Variants in ARHGAP28 observed in about 807,000 individuals in gnomAD.
The protein encoded by ARHGAP28 is rho GTPase-activating protein 28.
A neutral mutation model predicts 90.7 loss-of-function variants in ARHGAP28; 56 were observed. That is an observed-to-expected ratio of 0.62 (90% CI 0.50 to 0.77). The LOEUF (loss-of-function observed/expected upper bound fraction) is 0.77, where lower values mean the gene tolerates loss of function less well. Among genes scored for constraint, ARHGAP28 ranks in the 30% least tolerant of loss-of-function variants. ARHGAP28 has a pLI of 0.00. For missense variants in ARHGAP28, 869 were observed against 900.9 expected, an observed-to-expected ratio of 0.96 and a Z score of 0.45; for synonymous variants, 308 against 323.3, an observed-to-expected ratio of 0.95 and a Z score of 0.51.
At chr18:6,799,782 T>C (rs184207709) in intron 1 of ARHGAP28, among the ~76,000 whole-genome samples, 4,112 of 152,152 alleles carry the variant, frequency 0.027, 79 homozygotes, top group Middle Eastern at 0.061. Flanking sequence ...CTAGGCAATG[T>C]CATTCAGGAC....
chr18:6,850,001 C>T (rs1398903099), intron 3 of ARHGAP28, among the ~76,000 whole-genome samples: 2 of 151,990 alleles, frequency 1.3e-5, no homozygotes, highest in South Asian at 2.1e-4. Context: ...ACTTATTTTC[C>T]GTATATTTTT....
intron 1 of ARHGAP28, among the ~76,000 whole-genome samples, chr18:6,751,757 A>G (rs1378821696): frequency 1.3e-5 from 2 of 152,222 alleles, no homozygotes; most frequent in African/African-American, 4.8e-5. Flanking sequence ...GTCATAGATC[A>G]CAAAATAAAA....
chr18:6,816,915 T>G (rs1203852132), intron 1 of ARHGAP28, among the ~76,000 whole-genome samples: 1 of 151,258 alleles, frequency 6.6e-6, no homozygotes, highest in Non-Finnish European at 1.5e-5. Context: ...TAACAAGACC[T>G]CATCTGTACT....
chr18:6,824,381 A>T (rs1600217819), intron 1 of ARHGAP28, among the ~76,000 whole-genome samples: 1 of 152,112 alleles, frequency 6.6e-6, no homozygotes, highest in East Asian at 1.9e-4. Context: ...TACTAAAAAT[A>T]TAAAAATTAG....
intron 1 of ARHGAP28, among the ~76,000 whole-genome samples, chr18:6,733,081 T>A (rs1334273018): frequency 6.6e-6 from 1 of 152,088 alleles, no homozygotes; most frequent in African/African-American, 2.4e-5. Flanking sequence ...CCTCATTTTA[T>A]AAAATAGTTA....
intron 14 of ARHGAP28, among the ~76,000 whole-genome samples, chr18:6,893,869 T>TG (rs1362559794): frequency 6.8e-6 from 1 of 147,020 alleles, no homozygotes; most frequent in South Asian, 2.2e-4. Context: ...GCTTTTTGGT[T>TG]TTTTTTTTTT....
At chr18:6,741,411 C>A (rs1160445829) in intron 1 of ARHGAP28, among the ~76,000 whole-genome samples, 1 of 152,122 alleles carries the variant, frequency 6.6e-6, no homozygotes, top group African/African-American at 2.4e-5. Context: ...ACTCCCACCT[C>A]TTCCAGCTTC....
chr18:6,776,198 T>A (rs1346873888), intron 1 of ARHGAP28, among the ~76,000 whole-genome samples: 1 of 152,148 alleles, frequency 6.6e-6, no homozygotes, highest in African/African-American at 2.4e-5. Context: ...AATGCCTTTC[T>A]ATGATAAGTG....
At chr18:6,763,185 C>T (rs1309480480) in intron 1 of ARHGAP28, among the ~76,000 whole-genome samples, 1 of 152,034 alleles carries the variant, frequency 6.6e-6, no homozygotes, top group South Asian at 2.1e-4. Context: ...CTGCCTCAAG[C>T]GATTCTCCTG....
rs147162571 is a variant in ARHGAP28, at chr18:6,859,847, G to T, written c.676G>T (p.Ala226Ser). ...ASLNSTTLSDASQDKEGSFAV... is the reference protein window; with the variant it reads ...ASLNSTTLSDSSQDKEGSFAV... Reference sequence around the variant, plus strand: ...TCTCAACAGTACTACCCTGTCTGACGCATCCCAGGATAAAGAAGGGAGTTT... The same window carrying T: ...TCTCAACAGTACTACCCTGTCTGACTCATCCCAGGATAAAGAAGGGAGTTT... The change falls in exon 5 of 18, where the codon GCA becomes TCA. Residue 226 changes from alanine (A) to serine (S), a missense_variant. Ala to Ser is a moderately conservative substitution (Grantham distance 99, BLOSUM62 1). Coordinates refer to ENST00000383472, the MANE Select transcript of ARHGAP28 (RefSeq NM_001366230.1). The T allele has an allele frequency of 6.2e-6, 10 of 1,614,006 alleles. No homozygotes were observed. The highest frequency in any genetic ancestry group is 1.1e-5 in the South Asian group (1 of 91,084).
chr18:6,752,238 C>T (rs2056075369), intron 1 of ARHGAP28, among the ~76,000 whole-genome samples: 2 of 152,094 alleles, frequency 1.3e-5, no homozygotes, highest in Non-Finnish European at 2.9e-5. Flanking sequence ...ATCCTCATTG[C>T]TACTCTCAGA....
intron 1 of ARHGAP28, among the ~76,000 whole-genome samples, chr18:6,801,298 C>T (rs1313636561): frequency 1.3e-5 from 2 of 152,110 alleles, no homozygotes; most frequent in African/African-American, 4.8e-5. Context: ...GCCTTTGCAC[C>T]TTTGTTGAAA....
chr18:6,831,208 T>C (rs1008381747), intron 2 of ARHGAP28, among the ~76,000 whole-genome samples: 1 of 152,200 alleles, frequency 6.6e-6, no homozygotes, highest in African/African-American at 2.4e-5. Context: ...TTCTTGTGCT[T>C]ATTGTCTTTT....
At chr18:6,893,930 G>A (rs573341605) in intron 14 of ARHGAP28, among the ~76,000 whole-genome samples, 24 of 146,682 alleles carry the variant, frequency 1.6e-4, no homozygotes, top group African/African-American at 5.5e-4. Flanking sequence ...GCAGTGGCGC[G>A]ATCTCGGCTC....
rs549710548 is a variant in ARHGAP28, at chr18:6,874,305, G to A, written c.1212+530G>A. On this transcript the variant is annotated intron_variant, in intron 9 of 17. Coordinates refer to ENST00000383472, the MANE Select transcript of ARHGAP28 (RefSeq NM_001366230.1). The stretch of plus-strand genomic sequence containing the variant: ...ACCAGCATGTTCCAGTCATTTTCCG[G>A]TGTGTCTGGGCAGATAGGATACATT... Among the ~76,000 whole-genome samples the A allele has an allele frequency of 9.5e-4, 144 of 152,316 alleles. 1 individual carries two copies. The highest frequency in any genetic ancestry group is 3.3e-3 in the African/African-American group (139 of 41,568).
intron 17 of ARHGAP28, among the ~76,000 whole-genome samples, chr18:6,909,362 G>A (rs2057383848): frequency 1.3e-5 from 2 of 148,782 alleles, no homozygotes; most frequent in South Asian, 4.3e-4. Context: ...GAGTGATCTT[G>A]GCTCACTGCA....
intron 1 of ARHGAP28, among the ~76,000 whole-genome samples, chr18:6,807,045 G>A (rs901967330): frequency 1.4e-4 from 21 of 151,290 alleles, no homozygotes; most frequent in African/African-American, 4.9e-4. Context: ...TTTCTTTATT[G>A]CTAATTCAAA....
chr18:6,853,640 T>A lies in ARHGAP28; in HGVS notation c.636+2514T>A, dbSNP rs554009304. Among the ~76,000 whole-genome samples the A allele has an allele frequency of 1.6e-4, 25 of 152,094 alleles. No individual in the cohort carries two copies. The South Asian group carries it at 5.0e-3, about 30-fold the overall frequency. On this transcript the variant is annotated intron_variant, in intron 4 of 17. Transcript: ENST00000383472. ...GGCATGCACCACCATACCCGGCTAA[T>A]TTTTTTGTATTTTTAGTAGAGACAG...
At chr18:6,843,968 T>G (rs1405460024) in intron 3 of ARHGAP28, among the ~76,000 whole-genome samples, 1 of 152,206 alleles carries the variant, frequency 6.6e-6, no homozygotes, top group Non-Finnish European at 1.5e-5. Context: ...ACATCACGCA[T>G]GGTTTACAGT....
Sources: allele counts gnomAD v4.1 joint callset (sites outside exome capture counted in the v4.1 genomes callset), GRCh38; gene constraint gnomAD v4.1.1; transcripts MANE v1.5; gene names NCBI Gene and HGNC (gene_info 2026-07-23, HGNC 2026-07-21).